Variants in NHSL1 observed in about 807,000 individuals in gnomAD.
NHSL1 encodes NHS-like protein 1.
Under a neutral mutation model 95.0 loss-of-function variants are expected in NHSL1, and 48 were observed. The observed-to-expected ratio is 0.51, with a 90% CI of 0.40 to 0.64. NHSL1 has a LOEUF of 0.64. NHSL1 is among the 30% of genes least tolerant of loss of function. NHSL1 has a pLI of 0.00. For synonymous variants in NHSL1, 783 were observed against 833.9 expected (o/e 0.94, Z 1.05); for missense variants, 1,971 against 2,077.7 (o/e 0.95, Z 1.00).
At chr6:138,634,896 A>C (rs183032618) in intron 1 of NHSL1, among the ~76,000 whole-genome samples, 3 of 152,242 alleles carry the variant, frequency 2.0e-5, no homozygotes, top group Admixed American at 2.0e-4. Context: ...AATTTTGGAA[A>C]CTATATAAAC....
At chr6:138,559,554 C>T (rs1025898279) in intron 1 of NHSL1, among the ~76,000 whole-genome samples, 4 of 152,226 alleles carry the variant, frequency 2.6e-5, no homozygotes, top group African/African-American at 9.6e-5. Flanking sequence ...CACTACTCTA[C>T]ACTGTTTCTC....
intron 1 of NHSL1, among the ~76,000 whole-genome samples, chr6:138,646,758 T>C (rs1047031609): frequency 4.6e-5 from 7 of 152,230 alleles, no homozygotes; most frequent in African/African-American, 1.4e-4. Context: ...ATTCTGGGTT[T>C]ACAGTCATGA....
intron 1 of NHSL1, among the ~76,000 whole-genome samples, chr6:138,533,985 TC>T (rs1313121767): frequency 6.6e-6 from 1 of 152,210 alleles, no homozygotes; most frequent in Non-Finnish European, 1.5e-5. Context: ...ATGACCAGCT[TC>T]CACATGCTAC....
At chr6:138,651,589 T>C (rs1412513582) in intron 1 of NHSL1, among the ~76,000 whole-genome samples, 1 of 152,208 alleles carries the variant, frequency 6.6e-6, no homozygotes, top group African/African-American at 2.4e-5. Flanking sequence ...CGGAAAGGAA[T>C]GTTTTCCAAG....
rs1008341421 is a variant in NHSL1, at chr6:138,424,172, G to A, written c.4730C>T (p.Pro1577Leu). ...CGEGPAASLQ[P>L]QAPGPVDGTA... ...CCCATCCACAGGGCCGGGGGCCTGG[G>A]GCTGCAGGGAGGCGGCAGGCCCCTC... Residue 1577 changes from proline to leucine, a missense_variant, in exon 8 of 8, where the codon CCC (proline) becomes CTC (leucine). Transcript: ENST00000343505. The surrounding 1 kb of genome is among the most constrained non-coding windows in gnomAD (Gnocchi z 5.9). 6.8e-7 allele frequency: 1 copy of A among 1,463,460 alleles called. No homozygotes were observed. The allele number at this position is 1,463,460 out of a possible 1,614,324, so 90.7% of individuals were successfully genotyped here. A position where few individuals can be genotyped will look rare whatever the true frequency, so the allele number is the denominator to read the frequency against.
intron 1 of NHSL1, among the ~76,000 whole-genome samples, chr6:138,540,544 G>T (rs1332715505): frequency 1.3e-5 from 2 of 152,144 alleles, no homozygotes; most frequent in African/African-American, 2.4e-5. Context: ...GCCAAGAAAA[G>T]AATCTAAGGA....
chr6:138,597,715 G>A (rs954139710), intron 1 of NHSL1, among the ~76,000 whole-genome samples: 1 of 152,152 alleles, frequency 6.6e-6, no homozygotes, highest in Non-Finnish European at 1.5e-5. Flanking sequence ...GTACAGTTTT[G>A]TGTGAGCAAT....
At chr6:138,480,501 T>C (rs1484583566) in intron 2 of NHSL1, among the ~76,000 whole-genome samples, 1 of 152,200 alleles carries the variant, frequency 6.6e-6, no homozygotes, top group Admixed American at 6.5e-5. Flanking sequence ...GGTAGGCCAG[T>C]TGTCATTTTT....
chr6:138,466,961 G>A (rs192170378), intron 3 of NHSL1, among the ~76,000 whole-genome samples: 39 of 152,016 alleles, frequency 2.6e-4, no homozygotes, highest in African/African-American at 9.4e-4. Context: ...GGAGGCAGTG[G>A]TTGCAGTGAG....
intron 1 of NHSL1, among the ~76,000 whole-genome samples, chr6:138,666,443 T>C (rs1005625991): frequency 6.6e-6 from 1 of 151,782 alleles, no homozygotes; most frequent in Non-Finnish European, 1.5e-5. Flanking sequence ...TACAAAAAAA[T>C]TAGCCAGGCA....
intron 1 of NHSL1, among the ~76,000 whole-genome samples, chr6:138,519,013 G>T (rs776547409): frequency 3.4e-4 from 51 of 151,608 alleles, no homozygotes; most frequent in Non-Finnish European, 6.3e-4. Context: ...GCAAGACACT[G>T]TCTCAAAAAT....
At chr6:138,571,845 C>T (rs1783851261) in exon 1 of NHSL1, 2 of 1,551,902 alleles carry the variant, frequency 1.3e-6, no homozygotes, top group Non-Finnish European at 1.7e-6. Context: ...ATCCAACTTA[C>T]AGCACGTGAG....
rs56326954 is a variant in NHSL1 at position 138,423,815 on chromosome 6, C to CAAAAAAAAAAAAAAAAAAAA, written c.*246_*265dup. 1 of 133,592 alleles carries CAAAAAAAAAAAAAAAAAAAA rather than the reference C, an allele frequency of 7.5e-6. No homozygotes were observed. The highest frequency in any genetic ancestry group is 3.8e-5 in the African/African-American group (1 of 26,286). The allele number at this position is 133,592 out of a possible 1,614,324, so 8.3% of individuals were successfully genotyped here. On this transcript the variant is annotated 3_prime_UTR_variant, in exon 8 of 8. Transcript: ENST00000343505. Reference sequence around the variant, plus strand: ...GCACACATACACACCCAGCATTTAGCAAAAAAAAAAAAAAAAAAAAAAAAT... The same window carrying CAAAAAAAAAAAAAAAAAAAA: ...GCACACATACACACCCAGCATTTAGCAAAAAAAAAAAAAAAAAAAAAAAAAAAAAAAAAAAAAAAAAAAAT...
At position 138,464,284 on chromosome 6, in the gene NHSL1, C is replaced by A. The variant is rs376200671; in HGVS notation, c.339+9022G>T. The A allele has an allele frequency of 4.2e-4, 329 of 776,742 alleles. 1 individual carries two copies. In the African/African-American group the frequency reaches 5.3e-3, roughly 12 times the overall value. The allele number at this position is 776,742 out of a possible 1,614,324, so 48.1% of individuals were successfully genotyped here. The stretch of plus-strand genomic sequence containing the variant: ...CTGCCCACTTCCTGCTTTGGCAGAC[C>A]CTGGTGTCGTGGGCGGACTGGGCCC... On this transcript the variant is annotated intron_variant, in intron 3 of 7. Transcript: ENST00000343505.
rs149658204 is a variant in NHSL1, at chr6:138,431,079, G to A, written c.3266C>T (p.Ala1089Val). 1.3e-4 allele frequency: 209 copies of A among 1,551,904 alleles called. 1 individual carries two copies. In the Middle Eastern group the frequency reaches 5.0e-3, roughly 37 times the overall value. Residue 1089 changes from alanine (A) to valine (V), a missense_variant, in exon 6 of 8, where the codon GCG becomes GTG. By Grantham distance (64) the Ala-to-Val change is moderately conservative. This residue lies in a region of NHSL1 where 1,602 missense variants were observed against 1,654.5 expected (regional missense o/e 0.97). Coordinates refer to ENST00000343505, the MANE Select transcript of NHSL1 (RefSeq NM_001144060.2). The surrounding 1 kb of genome is among the most constrained non-coding windows in gnomAD (Gnocchi z 4.0). Reference sequence around the variant, plus strand: ...AGCTGTTCGTTCAGACAACTGTGCCGCCTCAGCGCCTGAGTTCTTTCTCAC... The same window carrying A: ...AGCTGTTCGTTCAGACAACTGTGCCACCTCAGCGCCTGAGTTCTTTCTCAC... ...RPVRKNSGAEAAQLSERTAQE... is the reference protein window; with the variant it reads ...RPVRKNSGAEVAQLSERTAQE...
rs533033336 is a variant in NHSL1, at chr6:138,462,081, C to T, written c.339+11225G>A. Among the ~76,000 whole-genome samples, 36 of 152,254 alleles carry T rather than the reference C, an allele frequency of 2.4e-4. No homozygotes were observed. In the East Asian group the frequency reaches 3.3e-3, roughly 14 times the overall value. ...TGGGTTTGGTGATGAAAAGATATGACCCCTGATTGCTTTTGTTTTCCTAGT... is the reference window on the plus strand; with the variant it reads ...TGGGTTTGGTGATGAAAAGATATGATCCCTGATTGCTTTTGTTTTCCTAGT... On this transcript the variant is annotated intron_variant, in intron 3 of 7. Transcript: ENST00000343505.
intron 3 of NHSL1, among the ~76,000 whole-genome samples, chr6:138,454,185 G>T (rs1020897158): frequency 2.7e-5 from 4 of 149,052 alleles, no homozygotes; most frequent in Non-Finnish European, 4.5e-5. Context: ...CTTGTTATAT[G>T]TGTGCGTGTG....
chr6:138,650,883 C>T, intron 1 of NHSL1: 1 of 540,958 alleles, frequency 1.8e-6, no homozygotes, highest in South Asian at 1.4e-5. Flanking sequence ...GGCCTCGGGC[C>T]TTGGAACAGC....
At chr6:138,657,059 G>A (rs1392048110) in intron 1 of NHSL1, among the ~76,000 whole-genome samples, 1 of 152,086 alleles carries the variant, frequency 6.6e-6, no homozygotes, top group African/African-American at 2.4e-5. Context: ...AAAGTGTGGT[G>A]CTAATTTTTC....
Sources: gnomAD v4.1 joint callset for allele counts (sites outside exome capture counted in the v4.1 genomes callset) on GRCh38, gnomAD v4.1.1 for gene constraint, gnomAD v4.1.1 regional missense constraint, Gnocchi (gnomAD v3.1) non-coding constraint, MANE v1.5 for transcripts, NCBI Gene and HGNC (gene_info 2026-07-23, HGNC 2026-07-21) for gene names.